Variants in ERICH6 observed in about 807,000 individuals in gnomAD.
ERICH6 encodes glutamate rich 6.
In ERICH6, 71 loss-of-function variants were observed where a neutral mutation model predicts 71.0. That is an observed-to-expected ratio of 1.00 (90% confidence interval 0.83 to 1.22). ERICH6 has a LOEUF of 1.22. Ranked by LOEUF, ERICH6 falls within the 50% of genes most tolerant of loss-of-function variation. The pLI, the probability that ERICH6 is intolerant of heterozygous loss-of-function variation, is 0.00. For missense variants in ERICH6, 808 were observed against 797.2 expected (o/e 1.01, Z -0.16); for synonymous variants, 262 against 278.4 (o/e 0.94, Z 0.59).
chr3:150,672,365 A>G (rs1290220202), intron 11 of ERICH6, among the ~76,000 whole-genome samples: 6 of 151,400 alleles, frequency 4.0e-5, no homozygotes, highest in African/African-American at 1.2e-4. Context: ...TGGGAGGCCA[A>G]GGTGAGCAGG....
chr3:150,678,009 C>T (rs933837731), intron 10 of ERICH6, among the ~76,000 whole-genome samples: 8 of 152,026 alleles, frequency 5.3e-5, no homozygotes, highest in East Asian at 1.9e-4. Flanking sequence ...GAATGGCTAG[C>T]GTGACTGAGA....
chr3:150,680,193 C>G (rs1201704695), intron 9 of ERICH6, among the ~76,000 whole-genome samples: 1 of 152,178 alleles, frequency 6.6e-6, no homozygotes, highest in East Asian at 1.9e-4. Context: ...CAGATGTAGG[C>G]TATACTGAAC....
intron 3 of ERICH6, among the ~76,000 whole-genome samples, chr3:150,691,751 G>A (rs1243413979): frequency 6.6e-6 from 1 of 151,970 alleles, no homozygotes; most frequent in Non-Finnish European, 1.5e-5. Flanking sequence ...TTACATCTGT[G>A]TATCCTTCTG....
intron 13 of ERICH6, among the ~76,000 whole-genome samples, chr3:150,664,441 G>C (rs969642705): frequency 2.2e-4 from 34 of 152,024 alleles, no homozygotes; most frequent in African/African-American, 7.7e-4. Flanking sequence ...CTGAGGTCAG[G>C]AGTTCGACAC....
At chr3:150,681,298 G>A (rs1261870411) in intron 7 of ERICH6, among the ~76,000 whole-genome samples, 1 of 152,144 alleles carries the variant, frequency 6.6e-6, no homozygotes, top group Admixed American at 6.5e-5. Context: ...ACAACATGTG[G>A]CACTCTTTAT....
chr3:150,686,340 T>C lies in ERICH6; in HGVS notation c.568A>G (p.Lys190Glu), dbSNP rs780528531. Reference protein sequence around the residue: ...DKVQSRKKASKEKAEPECLAS... With the variant: ...DKVQSRKKASEEKAEPECLAS... ...AGACATTCAGGTTCAGCTTTCTCTTTAGAGGCTTTCTTCCCTGTGAAAACA... is the reference window on the plus strand; with the variant it reads ...AGACATTCAGGTTCAGCTTTCTCTTCAGAGGCTTTCTTCCCTGTGAAAACA... The change falls in exon 4 of 14, where the codon AAA (lysine) becomes GAA (glutamate). Residue 190 changes from lysine to glutamate, a missense_variant. By Grantham distance (56) the Lys-to-Glu change is moderately conservative. Around this residue, in one of 3 missense-constraint regions of ERICH6, gnomAD observed 736 missense variants for 712.2 expected, o/e 1.03. Transcript: ENST00000295910. 6.2e-7 allele frequency: 1 copy of C among 1,614,178 alleles called. No homozygotes were observed. Among genetic ancestry groups the C allele is most frequent in the Non-Finnish European group, 8.5e-7 (1 of 1,180,030 alleles).
At chr3:150,697,937 G>C (rs1712713935) in intron 3 of ERICH6, among the ~76,000 whole-genome samples, 1 of 152,126 alleles carries the variant, frequency 6.6e-6, no homozygotes, top group Admixed American at 6.5e-5. Flanking sequence ...GTTCTAGAAG[G>C]AGGCACTTGC....
chr3:150,671,762 T>A (rs1212101117), intron 11 of ERICH6, among the ~76,000 whole-genome samples: 2 of 152,178 alleles, frequency 1.3e-5, no homozygotes, highest in East Asian at 3.9e-4. Context: ...CAGGTAGCTG[T>A]AACTACAGGT....
chr3:150,693,364 A>T (rs1383385443), intron 3 of ERICH6, among the ~76,000 whole-genome samples: 6 of 152,228 alleles, frequency 3.9e-5, no homozygotes, highest in African/African-American at 1.4e-4. Context: ...GCCCTTTGGG[A>T]AAACTGGCCT....
intron 9 of ERICH6, 104 bp downstream of exon 9, chr3:150,680,363 TG>T: frequency 1.7e-6 from 2 of 1,202,028 alleles, no homozygotes; most frequent in Non-Finnish European, 2.4e-6. Context: ...CCACTGCACC[TG>T]GCCAATACTA....
intron 2 of ERICH6, among the ~76,000 whole-genome samples, chr3:150,700,662 C>A (rs141949987): frequency 0.042 from 6,394 of 152,180 alleles, 426 homozygotes; most frequent in African/African-American, 0.14. Context: ...CGGCTCACTG[C>A]AACCTCCACC....
intron 10 of ERICH6, among the ~76,000 whole-genome samples, chr3:150,675,925 T>C (rs981665249): frequency 1.3e-5 from 2 of 151,662 alleles, no homozygotes; most frequent in African/African-American, 2.4e-5. Context: ...TTTTTTTTTT[T>C]CTCATACTGC....
chr3:150,676,304 A>AT (rs1711653669), intron 10 of ERICH6, among the ~76,000 whole-genome samples: 1 of 150,752 alleles, frequency 6.6e-6, no homozygotes, highest in Non-Finnish European at 1.5e-5. Flanking sequence ...ATTTCAGTTC[A>AT]TTTTTTTCCA....
chr3:150,673,468 C>T (rs183664599), intron 11 of ERICH6, among the ~76,000 whole-genome samples: 3 of 151,584 alleles, frequency 2.0e-5, no homozygotes, highest in South Asian at 4.2e-4. Context: ...GGATTATAAG[C>T]GTAAGCCACC....
chr3:150,674,100 G>T, intron 10 of ERICH6, 59 bp from the exon 11 acceptor site: 2 of 1,302,904 alleles, frequency 1.5e-6, no homozygotes, highest in African/African-American at 1.5e-5. Context: ...TAGTAAGTAC[G>T]ACAACAATGG....
chr3:150,669,877 C>A (rs905076975), intron 11 of ERICH6, among the ~76,000 whole-genome samples: 1 of 152,118 alleles, frequency 6.6e-6, no homozygotes, highest in African/African-American at 2.4e-5. Flanking sequence ...ATGTCCTCAA[C>A]CTGATAAAGA....
chr3:150,680,318 T>C, intron 9 of ERICH6, 150 bp downstream of exon 9: 3 of 726,302 alleles, frequency 4.1e-6, no homozygotes, highest in South Asian at 3.9e-5. Flanking sequence ...TTCTCCCACC[T>C]TGGCTTCCCA....
chr3:150,684,005 G>T (rs1712077856), intron 6 of ERICH6, among the ~76,000 whole-genome samples: 1 of 152,214 alleles, frequency 6.6e-6, no homozygotes, highest in African/African-American at 2.4e-5. Context: ...ACCCATCTCT[G>T]GGTGTTGCGG....
chr3:150,690,221 T>C (rs920925154), intron 3 of ERICH6, among the ~76,000 whole-genome samples: 11 of 152,214 alleles, frequency 7.2e-5, no homozygotes, highest in Non-Finnish European at 1.5e-4. Flanking sequence ...ATGTTTGATT[T>C]GGCATCCATC....
Sources: allele counts gnomAD v4.1 joint callset (sites outside exome capture counted in the v4.1 genomes callset), GRCh38; gene constraint gnomAD v4.1.1; regional missense constraint gnomAD v4.1.1; transcripts MANE v1.5; gene names NCBI Gene and HGNC (gene_info 2026-07-23, HGNC 2026-07-21).